Variants in DCC observed in about 807,000 individuals in gnomAD.
DCC encodes the protein DCC netrin 1 receptor.
A neutral mutation model predicts 172.5 loss-of-function variants in DCC; 58 were observed. That is an observed-to-expected ratio of 0.34 (90% CI 0.27 to 0.42). The LOEUF (loss-of-function observed/expected upper bound fraction) is 0.42. Ranked by LOEUF, DCC falls within the 10% of genes least tolerant of loss-of-function variation. DCC has a pLI of 1.00. For missense variants in DCC, 1,740 were observed against 1,791.0 expected, an observed-to-expected ratio of 0.97 and a Z score of 0.51; for synonymous variants, 709 against 644.5, an observed-to-expected ratio of 1.10 and a Z score of -1.52.
rs373410904 is a variant in DCC, at chr18:52,871,512, G to A, written c.413-34532G>A. Among the ~76,000 whole-genome samples the A allele has an allele frequency of 1.6e-4, 25 of 152,254 alleles. No homozygotes were observed. The East Asian group carries it at 2.5e-3, about 15-fold the overall frequency. On this transcript the variant is annotated intron_variant, in intron 2 of 28. Coordinates refer to ENST00000442544, the MANE Select transcript of DCC (RefSeq NM_005215.4). ...TCACTTTTGTTTTGCTTCCCAGGCT[G>A]GAGCACAGTGACATGATCATAGTTC...
At chr18:52,543,680 C>T (rs1029207775) in intron 1 of DCC, among the ~76,000 whole-genome samples, 12 of 152,110 alleles carry the variant, frequency 7.9e-5, no homozygotes, top group African/African-American at 1.4e-4. Flanking sequence ...ATACCACTCT[C>T]GTATGAAGTA....
At chr18:53,023,445 G>C (rs2041913317) in intron 5 of DCC, among the ~76,000 whole-genome samples, 2 of 134,474 alleles carry the variant, frequency 1.5e-5, no homozygotes, top group Admixed American at 8.0e-5. Context: ...TTCTTATGCA[G>C]CCCAGATTTT....
At chr18:53,050,246 C>T (rs2042316382) in intron 5 of DCC, among the ~76,000 whole-genome samples, 1 of 152,012 alleles carries the variant, frequency 6.6e-6, no homozygotes, top group Admixed American at 6.6e-5. Context: ...CTTCCTCTCC[C>T]AGTACACTGA....
At chr18:53,506,227 A>G (rs991163833) in intron 27 of DCC, among the ~76,000 whole-genome samples, 5 of 152,172 alleles carry the variant, frequency 3.3e-5, no homozygotes, top group Admixed American at 6.5e-5. Flanking sequence ...TAAAATAATT[A>G]AGGTGAGAGC....
chr18:52,693,371 A>C (rs1181118135), intron 1 of DCC, among the ~76,000 whole-genome samples: 2 of 147,850 alleles, frequency 1.4e-5, no homozygotes, highest in Admixed American at 1.4e-4. Flanking sequence ...ATATATAACT[A>C]TATATTGTAT....
chr18:52,900,760 A>C (rs2039797863), intron 2 of DCC, among the ~76,000 whole-genome samples: 1 of 152,222 alleles, frequency 6.6e-6, no homozygotes, highest in Non-Finnish European at 1.5e-5. Context: ...ACTTCCAACA[A>C]CACCAGGTGT....
At chr18:53,364,130 C>A (rs1424867748) in intron 15 of DCC, among the ~76,000 whole-genome samples, 7 of 151,968 alleles carry the variant, frequency 4.6e-5, no homozygotes, top group Non-Finnish European at 1.0e-4. Context: ...ATAGAAAGAG[C>A]CGTACACTTG....
chr18:52,779,851 T>C (rs2037502145), intron 2 of DCC, among the ~76,000 whole-genome samples: 1 of 152,240 alleles, frequency 6.6e-6, no homozygotes, highest in Non-Finnish European at 1.5e-5. Flanking sequence ...CCATTCTAAC[T>C]GGCATGAGAT....
intron 15 of DCC, among the ~76,000 whole-genome samples, chr18:53,345,052 A>G (rs2057707665): frequency 6.6e-6 from 1 of 151,864 alleles, no homozygotes. Context: ...GCAGCCAAAG[A>G]CAATACATAC....
intron 1 of DCC, among the ~76,000 whole-genome samples, chr18:52,568,361 A>G (rs753788806): frequency 1.2e-4 from 19 of 152,294 alleles, no homozygotes; most frequent in Non-Finnish European, 2.1e-4. Context: ...ACAAACTGAT[A>G]CATCCAATGT....
At chr18:53,090,090 G>A (rs777526164) in intron 7 of DCC, among the ~76,000 whole-genome samples, 1 of 152,068 alleles carries the variant, frequency 6.6e-6, no homozygotes, top group African/African-American at 2.4e-5. Context: ...GTGTCTACTA[G>A]TTGCTAAAAT....
intron 1 of DCC, among the ~76,000 whole-genome samples, chr18:52,420,871 A>G (rs1395039943): frequency 1.3e-5 from 2 of 152,094 alleles, no homozygotes; most frequent in Non-Finnish European, 2.9e-5. Context: ...GGAGAGTGTT[A>G]GCATCTGGTG....
intron 1 of DCC, among the ~76,000 whole-genome samples, chr18:52,486,872 C>A (rs1005878502): frequency 2.6e-5 from 4 of 152,022 alleles, no homozygotes; most frequent in African/African-American, 9.7e-5. Flanking sequence ...TTTTACAGAA[C>A]GTTCTGATTT....
chr18:53,159,159 A>G (rs766407297), intron 8 of DCC, among the ~76,000 whole-genome samples: 2 of 152,062 alleles, frequency 1.3e-5, no homozygotes, highest in Non-Finnish European at 2.9e-5. Flanking sequence ...TGCAGCTGTG[A>G]AAACTGGAAG....
At chr18:53,203,236 C>A (rs12970145) in intron 9 of DCC, among the ~76,000 whole-genome samples, 1 of 117,338 alleles carries the variant, frequency 8.5e-6, no homozygotes, top group South Asian at 2.8e-4. Flanking sequence ...TGTGTGTGTG[C>A]GTGTGTGTGT....
intron 5 of DCC, among the ~76,000 whole-genome samples, chr18:53,004,490 T>A (rs1283791827): frequency 6.6e-6 from 1 of 152,212 alleles, no homozygotes; most frequent in African/African-American, 2.4e-5. Context: ...GGCAGAATAA[T>A]TTCTTAAGCA....
intron 9 of DCC, among the ~76,000 whole-genome samples, chr18:53,190,664 C>T (rs1441455805): frequency 6.6e-6 from 1 of 152,070 alleles, no homozygotes; most frequent in African/African-American, 2.4e-5. Context: ...TTTAAAATCT[C>T]AGCAGGGCGT....
chr18:52,422,611 T>G (rs1256581098), intron 1 of DCC, among the ~76,000 whole-genome samples: 1 of 152,130 alleles, frequency 6.6e-6, no homozygotes, highest in Non-Finnish European at 1.5e-5. Flanking sequence ...ACAATGAATG[T>G]GCCTAGTAAT....
At chr18:53,518,873 C>T (rs1468484885) in intron 27 of DCC, among the ~76,000 whole-genome samples, 2 of 152,060 alleles carry the variant, frequency 1.3e-5, no homozygotes, top group African/African-American at 2.4e-5. Context: ...AAACGTAATA[C>T]CACTTATTTT....
Sources: gnomAD v4.1 joint callset for allele counts (sites outside exome capture counted in the v4.1 genomes callset) on GRCh38, gnomAD v4.1.1 for gene constraint, MANE v1.5 for transcripts, NCBI Gene and HGNC (gene_info 2026-07-23, HGNC 2026-07-21) for gene names.